Variants in LRMDA observed in about 807,000 individuals in gnomAD.
LRMDA encodes the protein leucine-rich melanocyte differentiation-associated protein.
A neutral mutation model predicts 29.8 loss-of-function variants in LRMDA; 18 were observed. The ratio of observed to expected loss-of-function variants is 0.60; its 90% CI spans 0.42 to 0.90. LRMDA has a LOEUF of 0.90. LRMDA is among the 40% of genes least tolerant of loss of function. The pLI is 0.00. For missense variants in LRMDA, 273 were observed against 273.9 expected, an observed-to-expected ratio of 1.00 and a Z score of 0.02; for synonymous variants, 125 against 109.4, an observed-to-expected ratio of 1.14 and a Z score of -0.89.
At chr10:76,462,859 A>C (rs921412244) in intron 6 of LRMDA, among the ~76,000 whole-genome samples, 4 of 152,134 alleles carry the variant, frequency 2.6e-5, no homozygotes, top group African/African-American at 9.7e-5. Flanking sequence ...TAAAGAAAAC[A>C]CCTGTGTAGC....
At chr10:76,526,977 A>AAAT (rs1843181973) in intron 6 of LRMDA, among the ~76,000 whole-genome samples, 1 of 121,512 alleles carries the variant, frequency 8.2e-6, no homozygotes, top group African/African-American at 3.2e-5. Flanking sequence ...AAAGTATAAT[A>AAAT]AAATAAATAA....
chr10:76,044,565 T>C (rs1848397873), intron 3 of LRMDA, among the ~76,000 whole-genome samples: 1 of 151,802 alleles, frequency 6.6e-6, no homozygotes, highest in Non-Finnish European at 1.5e-5. Context: ...TCTATTTAAA[T>C]AATTTTCCTG....
intron 6 of LRMDA, among the ~76,000 whole-genome samples, chr10:76,442,089 T>C (rs986868910): frequency 6.6e-6 from 1 of 152,196 alleles, no homozygotes; most frequent in Non-Finnish European, 1.5e-5. Context: ...AAAACCCTCA[T>C]AATCATGTAA....
At chr10:76,358,800 G>A (rs1841273906) in intron 6 of LRMDA, among the ~76,000 whole-genome samples, 1 of 152,220 alleles carries the variant, frequency 6.6e-6, no homozygotes, top group Admixed American at 6.5e-5. Context: ...GTTGGGGGTT[G>A]AGTAGGACTT....
intron 6 of LRMDA, among the ~76,000 whole-genome samples, chr10:76,365,322 A>T (rs1335518065): frequency 2.6e-5 from 4 of 151,920 alleles, no homozygotes; most frequent in Non-Finnish European, 5.9e-5. Flanking sequence ...AGGAATCTCC[A>T]CACTGTTTTT....
intron 2 of LRMDA, among the ~76,000 whole-genome samples, chr10:75,543,928 G>A (rs953374647): frequency 1.3e-5 from 2 of 152,082 alleles, no homozygotes; most frequent in Non-Finnish European, 2.9e-5. Flanking sequence ...TCTGATACAA[G>A]TGTCGCTGAA....
chr10:75,638,492 A>G (rs1841414523), intron 2 of LRMDA, among the ~76,000 whole-genome samples: 2 of 152,132 alleles, frequency 1.3e-5, no homozygotes, highest in Admixed American at 1.3e-4. Context: ...AAAATTTGTT[A>G]CTTTTTCCCC....
chr10:76,383,308 C>G (rs376563569), intron 6 of LRMDA, among the ~76,000 whole-genome samples: 5 of 152,034 alleles, frequency 3.3e-5, no homozygotes, highest in African/African-American at 9.7e-5. Flanking sequence ...CTTAAGTGAA[C>G]TGGCCGTGTT....
At chr10:75,546,810 A>G (rs1840086533) in intron 2 of LRMDA, among the ~76,000 whole-genome samples, 1 of 152,238 alleles carries the variant, frequency 6.6e-6, no homozygotes, top group Non-Finnish European at 1.5e-5. Flanking sequence ...TATTCAGATT[A>G]TGATAGTGAA....
intron 2 of LRMDA, among the ~76,000 whole-genome samples, chr10:76,000,360 C>T (rs1847541168): frequency 6.6e-6 from 1 of 152,192 alleles, no homozygotes; most frequent in Non-Finnish European, 1.5e-5. Flanking sequence ...TGGGAGCCAT[C>T]AGCCTCCCTC....
chr10:75,809,398 C>A (rs1257216178), intron 2 of LRMDA, among the ~76,000 whole-genome samples: 1 of 152,168 alleles, frequency 6.6e-6, no homozygotes, highest in Non-Finnish European at 1.5e-5. Flanking sequence ...AATCCCAGCA[C>A]TTTGTGAGGC....
At chr10:75,790,045 A>C (rs1239514466) in intron 2 of LRMDA, among the ~76,000 whole-genome samples, 1 of 152,152 alleles carries the variant, frequency 6.6e-6, no homozygotes, top group African/African-American at 2.4e-5. Flanking sequence ...TGCTCACTTA[A>C]AGAGACAGAA....
rs941995813 is a variant in LRMDA at position 75,884,212 on chromosome 10, C to G, written c.132-151796C>G. Among the ~76,000 whole-genome samples, 7 of 147,990 alleles carry G rather than the reference C, an allele frequency of 4.7e-5. No homozygotes were observed. The East Asian group carries it at 1.0e-3, about 21-fold the overall frequency. On this transcript the variant is annotated intron_variant, in intron 2 of 6. Coordinates refer to ENST00000611255, the MANE Select transcript of LRMDA (RefSeq NM_001305581.2). ...AGAGTTCAATGAAAGCTCCCCTCCA[C>G]TATTATGCTAGTGTTTGGAAGGGCA...
In LRMDA at chr10:75,585,990, G is replaced by A. The variant is rs1004356029; in HGVS notation, c.131+147496G>A. ...GTCCTCAAGGTTCATCCATGTTGTTGCATATTGCAGAATTTCCTCCCTTTT... is the reference window on the plus strand; with the variant it reads ...GTCCTCAAGGTTCATCCATGTTGTTACATATTGCAGAATTTCCTCCCTTTT... On this transcript the variant is annotated intron_variant, in intron 2 of 6. Transcript: ENST00000611255. 3.9e-5 allele frequency among the ~76,000 whole-genome samples: 6 copies of A among 152,084 alleles called. 1 individual carries two copies. In the South Asian group the frequency reaches 1.2e-3, roughly 32 times the overall value.
At chr10:75,843,105 TC>T (rs1237423542) in intron 2 of LRMDA, among the ~76,000 whole-genome samples, 1 of 152,248 alleles carries the variant, frequency 6.6e-6, no homozygotes, top group Non-Finnish European at 1.5e-5. Flanking sequence ...AAAGCCTGTC[TC>T]ATTCATTTTT....
intron 2 of LRMDA, among the ~76,000 whole-genome samples, chr10:76,028,009 C>G (rs1356418102): frequency 6.6e-6 from 1 of 152,108 alleles, no homozygotes; most frequent in African/African-American, 2.4e-5. Flanking sequence ...TAAACTTATA[C>G]ACATCTTTGA....
intron 2 of LRMDA, among the ~76,000 whole-genome samples, chr10:75,942,860 T>C (rs1041318579): frequency 3.9e-5 from 6 of 152,180 alleles, no homozygotes; most frequent in Non-Finnish European, 8.8e-5. Context: ...TGTGTTCTGA[T>C]TGCGGTTTTC....
intron 2 of LRMDA, among the ~76,000 whole-genome samples, chr10:75,539,993 C>G (rs1839997034): frequency 6.6e-6 from 1 of 152,222 alleles, no homozygotes; most frequent in African/African-American, 2.4e-5. Context: ...GTTTATTGAG[C>G]ACCTATTACT....
chr10:75,595,877 A>G (rs1354997839), intron 2 of LRMDA, among the ~76,000 whole-genome samples: 4 of 148,902 alleles, frequency 2.7e-5, no homozygotes, highest in African/African-American at 9.7e-5. Context: ...CCACATTTTC[A>G]GAGATGATTC....
Sources: allele counts gnomAD v4.1 joint callset (sites outside exome capture counted in the v4.1 genomes callset), GRCh38; gene constraint gnomAD v4.1.1; transcripts MANE v1.5; gene names NCBI Gene and HGNC (gene_info 2026-07-23, HGNC 2026-07-21).